The following LRRTM4 variants were observed in gnomAD, a reference collection of about 807,000 sequenced individuals.
LRRTM4 encodes leucine rich repeat transmembrane neuronal 4.
In LRRTM4, 25 loss-of-function variants were observed where a neutral mutation model predicts 47.6. That is an observed-to-expected ratio of 0.53 (90% CI 0.38 to 0.73). The LOEUF (loss-of-function observed/expected upper bound fraction) is 0.73, where lower values mean the gene tolerates loss of function less well. Among genes scored for constraint, LRRTM4 ranks in the 30% least tolerant of loss-of-function variants. The pLI is 0.00. For synonymous variants in LRRTM4, 311 were observed against 269.5 expected (o/e 1.15, Z -1.51); for missense variants, 638 against 713.4 (o/e 0.89, Z 1.20).
At chr2:76,914,954 T>C (rs1167978178) in intron 3 of LRRTM4, among the ~76,000 whole-genome samples, 3 of 152,228 alleles carry the variant, frequency 2.0e-5, no homozygotes, top group Non-Finnish European at 4.4e-5. Context: ...AATTAAATGG[T>C]ACTCCTTTTC....
At chr2:77,220,978 G>C (rs1674609387) in intron 3 of LRRTM4, among the ~76,000 whole-genome samples, 1 of 152,140 alleles carries the variant, frequency 6.6e-6, no homozygotes, top group African/African-American at 2.4e-5. Flanking sequence ...ACCCACAAAG[G>C]GAAGCCCATC....
chr2:76,899,611 G>C (rs1673551887), intron 3 of LRRTM4, among the ~76,000 whole-genome samples: 1 of 152,062 alleles, frequency 6.6e-6, no homozygotes, highest in South Asian at 2.1e-4. Flanking sequence ...GAGTAAGGAA[G>C]TTAGTGTAGC....
intron 3 of LRRTM4, among the ~76,000 whole-genome samples, chr2:76,997,842 T>A (rs1573425576): frequency 6.6e-6 from 1 of 151,880 alleles, no homozygotes; most frequent in African/African-American, 2.4e-5. Context: ...GAGTTCCACC[T>A]CCAATCAGGT....
At chr2:76,798,471 A>G (rs1377292039) in intron 3 of LRRTM4, among the ~76,000 whole-genome samples, 1 of 150,710 alleles carries the variant, frequency 6.6e-6, no homozygotes, top group East Asian at 1.9e-4. Flanking sequence ...GGAAATTTAT[A>G]GCACTAAATG....
intron 3 of LRRTM4, among the ~76,000 whole-genome samples, chr2:77,492,259 T>C (rs1313230356): frequency 6.6e-6 from 1 of 152,138 alleles, no homozygotes; most frequent in African/African-American, 2.4e-5. Context: ...CAATATATGT[T>C]TTGTTTTGTT....
intron 3 of LRRTM4, among the ~76,000 whole-genome samples, chr2:77,418,558 C>T (rs572668665): frequency 6.6e-6 from 1 of 152,276 alleles, no homozygotes; most frequent in African/African-American, 2.4e-5. Flanking sequence ...CCACTGTTTG[C>T]AGAGGAAAAT....
intron 3 of LRRTM4, among the ~76,000 whole-genome samples, chr2:76,932,396 T>C (rs1174257163): frequency 6.6e-6 from 1 of 152,096 alleles, no homozygotes; most frequent in East Asian, 1.9e-4. Flanking sequence ...CCAACATGTA[T>C]ACATTATGAT....
At chr2:76,969,451 T>A (rs1676145888) in intron 3 of LRRTM4, among the ~76,000 whole-genome samples, 1 of 151,924 alleles carries the variant, frequency 6.6e-6, no homozygotes, top group African/African-American at 2.4e-5. Flanking sequence ...CTGGAAAAGT[T>A]GTAAGAGCAG....
At chr2:76,894,294 C>T (rs1389004292) in intron 3 of LRRTM4, among the ~76,000 whole-genome samples, 1 of 151,988 alleles carries the variant, frequency 6.6e-6, no homozygotes, top group Non-Finnish European at 1.5e-5. Context: ...AATTCAAGAG[C>T]TAATGCATAA....
chr2:76,956,472 G>T (rs960417755), intron 3 of LRRTM4, among the ~76,000 whole-genome samples: 3 of 151,278 alleles, frequency 2.0e-5, no homozygotes, highest in South Asian at 4.2e-4. Flanking sequence ...GTAGTAAAAG[G>T]GAAGTTTATA....
chr2:76,991,751 A>G (rs1437734773), intron 3 of LRRTM4, among the ~76,000 whole-genome samples: 2 of 151,640 alleles, frequency 1.3e-5, no homozygotes, highest in African/African-American at 2.4e-5. Context: ...TTCCAAAAAT[A>G]TCAAAGAGGA....
At chr2:77,221,195 C>T (rs1400667602) in intron 3 of LRRTM4, among the ~76,000 whole-genome samples, 4 of 152,116 alleles carry the variant, frequency 2.6e-5, no homozygotes, top group African/African-American at 9.7e-5. Flanking sequence ...TAAAAGAGCT[C>T]CTGAAGGAAG....
At chr2:76,976,029 A>G (rs144767571) in intron 3 of LRRTM4, among the ~76,000 whole-genome samples, 15 of 151,748 alleles carry the variant, frequency 9.9e-5, no homozygotes, top group African/African-American at 1.7e-4. Context: ...GTTTCCTTCT[A>G]TTGAATTATA....
chr2:77,497,874 G>C (rs1422649904), intron 3 of LRRTM4, among the ~76,000 whole-genome samples: 3 of 151,558 alleles, frequency 2.0e-5, no homozygotes, highest in Non-Finnish European at 4.4e-5. Context: ...GCTACCATGT[G>C]TTAAGAGCAC....
chr2:77,230,691 G>A (rs761446682), intron 3 of LRRTM4, among the ~76,000 whole-genome samples: 22 of 152,048 alleles, frequency 1.4e-4, no homozygotes, highest in Admixed American at 3.9e-4. Context: ...ATTGAATAAA[G>A]CACATAACTC....
chr2:76,779,309 G>A (rs1674213357), intron 3 of LRRTM4, among the ~76,000 whole-genome samples: 1 of 150,314 alleles, frequency 6.7e-6, no homozygotes, highest in Admixed American at 6.6e-5. Context: ...CAATTCCTGG[G>A]TATCCTTGTT....
rs564630328 is a variant in LRRTM4, at chr2:76,925,255, T to C, written c.1552-176339A>G. ...TTCCTACTCTTCATGAAGAAGCAAA[T>C]GCTGTATTGTGAACTGCCCAGGGAG... On this transcript the variant is annotated intron_variant, in intron 3 of 3. Coordinates refer to ENST00000409884, the MANE Select transcript of LRRTM4 (RefSeq NM_001134745.3). Among the ~76,000 whole-genome samples, 32 of 152,188 alleles carry C rather than the reference T, an allele frequency of 2.1e-4. No homozygotes were observed. In the South Asian group the frequency reaches 6.2e-3, roughly 30 times the overall value.
At chr2:77,006,505 G>A (rs1677655353) in intron 3 of LRRTM4, among the ~76,000 whole-genome samples, 1 of 152,128 alleles carries the variant, frequency 6.6e-6, no homozygotes, top group South Asian at 2.1e-4. Flanking sequence ...CATAACATTA[G>A]GGCCAATGCC....
At chr2:77,491,346 T>A (rs75960809) in intron 3 of LRRTM4, among the ~76,000 whole-genome samples, 1,940 of 150,324 alleles carry the variant, frequency 0.013, 24 homozygotes, top group Non-Finnish European at 0.019. Context: ...GAAAAAGAGA[T>A]AAAGGAGGTA....
Sources: gnomAD v4.1 joint callset for allele counts (sites outside exome capture counted in the v4.1 genomes callset) on GRCh38, gnomAD v4.1.1 for gene constraint, MANE v1.5 for transcripts, NCBI Gene and HGNC (gene_info 2026-07-23, HGNC 2026-07-21) for gene names.